The following STK32B variants were observed in gnomAD, a reference collection of about 807,000 sequenced individuals.
STK32B encodes the protein serine/threonine-protein kinase 32B.
A neutral mutation model predicts 52.6 loss-of-function variants in STK32B; 43 were observed. That is an observed-to-expected ratio of 0.82 (90% CI 0.64 to 1.05). The LOEUF is 1.05. Among genes scored for constraint, STK32B ranks in the 50% least tolerant of loss-of-function variants. The probability of loss-of-function intolerance (pLI) is 0.00; values close to 1 mark genes in which losing one functional copy is unlikely to be tolerated. For missense variants in STK32B, 621 were observed against 534.6 expected, an observed-to-expected ratio of 1.16 and a Z score of -1.59; for synonymous variants, 238 against 204.3, an observed-to-expected ratio of 1.17 and a Z score of -1.41.
chr4:5,223,736 G>C (rs1209725686), intron 3 of STK32B, among the ~76,000 whole-genome samples: 2 of 147,804 alleles, frequency 1.4e-5, no homozygotes, highest in Non-Finnish European at 3.0e-5. Context: ...AGAATGGCGT[G>C]AACCTGGGAG....
At position 5,293,528 on chromosome 4, in the gene STK32B, C is replaced by G. The variant is rs569229054; in HGVS notation, c.261-37692C>G. On this transcript the variant is annotated intron_variant, in intron 3 of 11. Transcript: ENST00000282908. ...CTCATTGCAGTTTTGATTTGTATTT[C>G]TCTAATGACCAGTGATAATGAGCTT... is the stretch of plus-strand genomic sequence containing the variant. 2.6e-5 allele frequency among the ~76,000 whole-genome samples: 4 copies of G among 152,266 alleles called. No homozygotes were observed. The South Asian group carries it at 8.3e-4, about 32-fold the overall frequency.
chr4:5,458,875 C>T (rs1037280139), intron 8 of STK32B: 1 of 152,216 alleles, frequency 6.6e-6, no homozygotes, highest in Non-Finnish European at 1.5e-5. Flanking sequence ...AGATCACTCT[C>T]GCATCCCGTC....
At position 5,075,905 on chromosome 4, in the gene STK32B, A is replaced by C. The variant is rs192830921; in HGVS notation, c.52+23990A>C. On this transcript the variant is annotated intron_variant, in intron 1 of 11. Coordinates refer to ENST00000282908, the MANE Select transcript of STK32B (RefSeq NM_018401.3). ...AATTACATGTTTGCCTGATTGTTTCAGTCAGTTTTTGCTGCATAACATACC... is the reference window on the plus strand; with the variant it reads ...AATTACATGTTTGCCTGATTGTTTCCGTCAGTTTTTGCTGCATAACATACC... 2.8e-4 allele frequency among the ~76,000 whole-genome samples: 42 copies of C among 152,300 alleles called. No homozygotes were observed. In the East Asian group the frequency reaches 5.4e-3, roughly 20 times the overall value.
At chr4:5,154,108 T>A (rs1717594928) in intron 2 of STK32B, among the ~76,000 whole-genome samples, 1 of 152,126 alleles carries the variant, frequency 6.6e-6, no homozygotes, top group Non-Finnish European at 1.5e-5. Context: ...CTACAATGAT[T>A]GAGACAGTAT....
At position 5,078,980 on chromosome 4, in the gene STK32B, A is replaced by G. The variant is rs370694372; in HGVS notation, c.52+27065A>G. On this transcript the variant is annotated intron_variant, in intron 1 of 11. Transcript: ENST00000282908. ...TAAAATTGTTTTTTTATATAAAATGAAAGTAAAAATGTTGAAAACGCTGCA... is the reference window on the plus strand; with the variant it reads ...TAAAATTGTTTTTTTATATAAAATGGAAGTAAAAATGTTGAAAACGCTGCA... Among the ~76,000 whole-genome samples the G allele has an allele frequency of 1.1e-4, 17 of 152,346 alleles. No homozygotes were observed. The East Asian group carries it at 2.1e-3, about 19-fold the overall frequency.
intron 4 of STK32B, among the ~76,000 whole-genome samples, chr4:5,352,073 G>T (rs1303468225): frequency 6.6e-6 from 1 of 152,038 alleles, no homozygotes; most frequent in Non-Finnish European, 1.5e-5. Flanking sequence ...TGAAGAGAAA[G>T]AAACTCTCCC....
intron 4 of STK32B, among the ~76,000 whole-genome samples, chr4:5,392,631 G>C (rs1394144067): frequency 6.6e-6 from 1 of 151,802 alleles, no homozygotes. Context: ...TTTGACCTTT[G>C]ACAAATCACA....
chr4:5,334,910 T>G lies in STK32B; in HGVS notation c.434+3517T>G, dbSNP rs905412080. On this transcript the variant is annotated intron_variant, in intron 4 of 11. Transcript: ENST00000282908. Reference sequence around the variant, plus strand: ...TTTATTGAGGATTTTTGCATCAATGTTCATCAAGGATATTGGTCTAAAATT... The same window carrying G: ...TTTATTGAGGATTTTTGCATCAATGGTCATCAAGGATATTGGTCTAAAATT... Among the ~76,000 whole-genome samples the G allele has an allele frequency of 1.5e-3, 231 of 152,076 alleles. 2 individuals are homozygous for G. Among genetic ancestry groups the G allele is most frequent in the African/African-American group, 5.3e-3 (219 of 41,442 alleles).
chr4:5,111,700 A>G (rs1714416092), intron 1 of STK32B, among the ~76,000 whole-genome samples: 1 of 152,098 alleles, frequency 6.6e-6, no homozygotes, highest in East Asian at 1.9e-4. Context: ...AACCCCTGTC[A>G]TTATGCGTCT....
chr4:5,067,751 C>T (rs978085337), intron 1 of STK32B, among the ~76,000 whole-genome samples: 2 of 152,104 alleles, frequency 1.3e-5, no homozygotes, highest in African/African-American at 4.8e-5. Context: ...CTAATTGGCT[C>T]ATGGTTCTGC....
intron 4 of STK32B, among the ~76,000 whole-genome samples, 185 bp downstream of exon 4, chr4:5,331,578 C>T (rs1403725953): frequency 1.3e-5 from 2 of 152,188 alleles, no homozygotes; most frequent in Non-Finnish European, 2.9e-5. Flanking sequence ...GCACCTACAT[C>T]TCCCATCCTA....
chr4:5,456,038 G>T (rs776472418), intron 7 of STK32B, among the ~76,000 whole-genome samples: 1 of 149,672 alleles, frequency 6.7e-6, no homozygotes, highest in Admixed American at 6.7e-5. Context: ...GGGAGATAAT[G>T]TTCATGGGGG....
At chr4:5,432,211 G>T (rs116491046) in intron 6 of STK32B, 1 of 152,162 alleles carries the variant, frequency 6.6e-6, no homozygotes, top group Admixed American at 6.5e-5. Flanking sequence ...AAAGGTAGCC[G>T]TTGAGATTCA....
rs1165670058 is a variant in STK32B at position 5,255,716 on chromosome 4, T to C, written c.261-75504T>C. 7.9e-5 allele frequency among the ~76,000 whole-genome samples: 12 copies of C among 152,232 alleles called. 1 individual carries two copies. The highest frequency in any genetic ancestry group is 5.2e-4 in the Admixed American group (8 of 15,284). Reference sequence around the variant, plus strand: ...GTTTGGCTACTTTCACTTAACATAATGTCTTTGAGATTCATAATGTCATTG... The same window carrying C: ...GTTTGGCTACTTTCACTTAACATAACGTCTTTGAGATTCATAATGTCATTG... On this transcript the variant is annotated intron_variant, in intron 3 of 11. Transcript: ENST00000282908.
chr4:5,185,191 T>C (rs1720653880), intron 3 of STK32B, among the ~76,000 whole-genome samples: 1 of 152,268 alleles, frequency 6.6e-6, no homozygotes, highest in Non-Finnish European at 1.5e-5. Flanking sequence ...CCTAATTGGC[T>C]GTATTTACTA....
intron 1 of STK32B, among the ~76,000 whole-genome samples, chr4:5,074,209 T>TGTGTGTGTGC (rs397878571): frequency 0.14 from 19,700 of 143,874 alleles, 1,545 homozygotes; most frequent in Non-Finnish European, 0.19. Flanking sequence ...TGTGTGTGTG[T>TGTGTGTGTGC]GCGCGTGCGT....
chr4:5,229,715 T>G (rs1724122496), intron 3 of STK32B, among the ~76,000 whole-genome samples: 1 of 152,160 alleles, frequency 6.6e-6, no homozygotes, highest in Non-Finnish European at 1.5e-5. Flanking sequence ...TTAGGCAAAT[T>G]TAAAATTATA....
intron 6 of STK32B, among the ~76,000 whole-genome samples, chr4:5,441,682 T>C (rs1714776822): frequency 6.6e-6 from 1 of 152,106 alleles, no homozygotes; most frequent in Non-Finnish European, 1.5e-5. Flanking sequence ...TGTAGTTCTT[T>C]TAATTGTGAT....
intron 1 of STK32B, among the ~76,000 whole-genome samples, chr4:5,139,403 TTTGGAGCCC>T (rs778359954): frequency 1.7e-4 from 26 of 152,242 alleles, no homozygotes; most frequent in Non-Finnish European, 2.9e-4. Flanking sequence ...CATTGCAGCC[TTTGGAGCCC>T]ATGACAAGAG....
Sources: gnomAD v4.1 joint callset for allele counts (sites outside exome capture counted in the v4.1 genomes callset) on GRCh38, gnomAD v4.1.1 for gene constraint, MANE v1.5 for transcripts, NCBI Gene and HGNC (gene_info 2026-07-23, HGNC 2026-07-21) for gene names.